Variants in LTN1 observed in about 807,000 individuals in gnomAD.
LTN1 encodes E3 ubiquitin-protein ligase listerin.
LTN1 carries 88 observed loss-of-function variants against 201.2 expected under a neutral mutation model. The observed-to-expected ratio is 0.44, with a 90% CI of 0.37 to 0.52. The LOEUF (loss-of-function observed/expected upper bound fraction) is 0.52. Ranked by LOEUF, LTN1 falls within the 20% of genes least tolerant of loss-of-function variation. The pLI is 0.00. For missense variants in LTN1, 1,752 were observed against 2,038.7 expected (o/e 0.86, Z 2.71); for synonymous variants, 645 against 713.5 (o/e 0.90, Z 1.53).
At chr21:28,931,096 TGTG>T in intron 29 of LTN1, 56 bp downstream of exon 29, 2 of 956,078 alleles carry the variant, frequency 2.1e-6, no homozygotes, top group Non-Finnish European at 3.3e-6. Flanking sequence ...TGTGTGTGTG[TGTG>T]TTTATGTGTA....
intron 16 of LTN1, among the ~76,000 whole-genome samples, chr21:28,955,209 T>G (rs1338161197): frequency 1.3e-5 from 2 of 152,094 alleles, no homozygotes; most frequent in Admixed American, 6.5e-5. Flanking sequence ...TGGCACTGCT[T>G]GTAATCGCAG....
intron 18 of LTN1, among the ~76,000 whole-genome samples, chr21:28,950,378 A>G (rs2084372622): frequency 6.6e-6 from 1 of 152,224 alleles, no homozygotes; most frequent in South Asian, 2.1e-4. Flanking sequence ...GTAAATATAC[A>G]TCCATCTCCT....
In LTN1 at chr21:28,947,482, C is replaced by T; in HGVS notation, c.3469G>A (p.Asp1157Asn). 6.5e-7 allele frequency: 1 copy of T among 1,533,136 alleles called. No individual in the cohort carries two copies. The highest frequency in any genetic ancestry group is 8.7e-7 in the Non-Finnish European group (1 of 1,146,586). 95.0% of individuals were successfully genotyped at this position (1,533,136 alleles called of 1,614,324 possible). ...AACTAACCATTAGTGCTGCAAAGAT[C>T]TTTCTTAGTCCAGCCCAAAAGAGCA... ...IPALLGWTKKDLCSTNGGFGH... is the reference protein window; with the variant it reads ...IPALLGWTKKNLCSTNGGFGH... The change falls in exon 19 of 30, where the codon GAT (aspartate) becomes AAT (asparagine). Residue 1157 changes from aspartate to asparagine, a missense_variant. This residue lies in a region of LTN1 where 1,211 missense variants were observed against 1,312.8 expected (regional missense o/e 0.92). Transcript: ENST00000361371.
chr21:28,933,775 C>G (rs1297369693), intron 27 of LTN1, among the ~76,000 whole-genome samples: 3 of 151,050 alleles, frequency 2.0e-5, no homozygotes, highest in South Asian at 4.2e-4. Flanking sequence ...CTCCCGGGTT[C>G]AAAAAATTCT....
At chr21:28,943,218 G>T in intron 24 of LTN1, 44 bp downstream of exon 24, 1 of 1,192,276 alleles carries the variant, frequency 8.4e-7, no homozygotes, top group Non-Finnish European at 1.2e-6. Flanking sequence ...AAGTGAGATG[G>T]ATTATAAGAA....
chr21:28,992,152 C>A (rs1463454436), intron 1 of LTN1, among the ~76,000 whole-genome samples: 1 of 152,106 alleles, frequency 6.6e-6, no homozygotes, highest in Non-Finnish European at 1.5e-5. Flanking sequence ...ACTGAGGTGT[C>A]GAGAGCAAAG....
intron 19 of LTN1, among the ~76,000 whole-genome samples, chr21:28,947,263 G>C (rs1035719151): frequency 1.3e-5 from 2 of 152,136 alleles, no homozygotes; most frequent in African/African-American, 2.4e-5. Context: ...ATTTCTGGGC[G>C]TAAGTCTTCC....
chr21:28,948,151 C>A (rs2084354660), intron 18 of LTN1, among the ~76,000 whole-genome samples: 1 of 116,106 alleles, frequency 8.6e-6, no homozygotes, highest in African/African-American at 3.3e-5. Flanking sequence ...GAGATTGGGC[C>A]CCTGCACTCC....
chr21:28,950,246 TAA>T (rs1274211004), intron 18 of LTN1, among the ~76,000 whole-genome samples: 2 of 152,116 alleles, frequency 1.3e-5, no homozygotes, highest in African/African-American at 4.8e-5. Context: ...AATTTTTTGT[TAA>T]GTTTATTTCT....
chr21:28,975,064 T>G (rs2084604475), intron 6 of LTN1, among the ~76,000 whole-genome samples: 1 of 152,112 alleles, frequency 6.6e-6, no homozygotes, highest in South Asian at 2.1e-4. Context: ...GTATACAATC[T>G]TAAATTAGTC....
intron 16 of LTN1, among the ~76,000 whole-genome samples, chr21:28,956,467 T>C (rs1189161233): frequency 6.6e-6 from 1 of 152,206 alleles, no homozygotes; most frequent in African/African-American, 2.4e-5. Context: ...TCACCCATTT[T>C]CTTTAGGGTA....
At chr21:28,960,966 A>C in intron 11 of LTN1, 1 of 306,178 alleles carries the variant, frequency 3.3e-6, no homozygotes, top group East Asian at 6.2e-5. Flanking sequence ...TTAACTTAAA[A>C]TCCCATCCAT....
chr21:28,960,908 C>T (rs2084472834), intron 11 of LTN1: 1 of 394,566 alleles, frequency 2.5e-6, no homozygotes, highest in Non-Finnish European at 4.5e-6. Context: ...CCACGCTTTG[C>T]TGTTACCTTC....
At chr21:28,971,833 A>G (rs1351819926) in intron 6 of LTN1, among the ~76,000 whole-genome samples, 1 of 152,174 alleles carries the variant, frequency 6.6e-6, no homozygotes, top group Non-Finnish European at 1.5e-5. Context: ...TCTATAATAC[A>G]ATGCTTATTA....
chr21:28,969,207 A>T (rs1040855723), intron 9 of LTN1, among the ~76,000 whole-genome samples: 2 of 149,624 alleles, frequency 1.3e-5, no homozygotes, highest in African/African-American at 4.8e-5. Context: ...GGCAACAAAG[A>T]GCGAAACTTT....
At chr21:28,988,158 AAC>A (rs869176098) in intron 1 of LTN1, among the ~76,000 whole-genome samples, 11 of 99,958 alleles carry the variant, frequency 1.1e-4, no homozygotes, top group East Asian at 7.0e-4. Flanking sequence ...AAAAAAAAAC[AAC>A]AAAAAAAAAC....
In LTN1 at chr21:28,966,731, T is replaced by C; in HGVS notation, c.1760A>G (p.Lys587Arg). 6.2e-7 allele frequency: 1 copy of C among 1,614,134 alleles called. No individual in the cohort carries two copies. The highest frequency in any genetic ancestry group is 1.1e-5 in the South Asian group (1 of 91,072). The change falls in exon 10 of 30, where the codon AAA becomes AGA. Residue 587 changes from lysine to arginine, a missense_variant. Lys to Arg is a conservative substitution (Grantham distance 26). Coordinates refer to ENST00000361371, the MANE Select transcript of LTN1 (RefSeq NM_015565.3). ...NSSGLLSPLR[K>R]KPLEDLVCKL... Reference sequence around the variant, plus strand: ...ACAGACTAAGTCTTCCAAAGGTTTTTTCCTTAGAGGAGACAAAAGGCCTGA... The same window carrying C: ...ACAGACTAAGTCTTCCAAAGGTTTTCTCCTTAGAGGAGACAAAAGGCCTGA...
intron 3 of LTN1, 39 bp from the exon 4 acceptor site, chr21:28,984,961 C>A (rs762698395): frequency 2.7e-6 from 4 of 1,459,488 alleles, no homozygotes; most frequent in Non-Finnish European, 3.8e-6. Flanking sequence ...TAGCTCTAGC[C>A]CATAAAAACA....
In LTN1 at chr21:28,944,425, C is replaced by A; in HGVS notation, c.3940G>T (p.Gly1314Cys). 1 of 1,613,904 alleles carries A rather than the reference C, an allele frequency of 6.2e-7. No homozygotes were observed. The highest frequency in any genetic ancestry group is 1.1e-5 in the South Asian group (1 of 91,072). ...ISEWKEFFSQ[G>C]IHSLLLPILV... is the part of the protein sequence containing the mutation. ...ATAGGTAAAAGCAAACTGTGGATGC[C>A]TTGGGAAAAAAATTCTTTCCATTCA... Residue 1314 changes from glycine (G) to cysteine (C), a missense_variant, in exon 22 of 30, where the codon GGC (glycine) becomes TGC (cysteine). By Grantham distance (159) the Gly-to-Cys change is radical. This residue lies in a region of LTN1 where 1,211 missense variants were observed against 1,312.8 expected (regional missense o/e 0.92). Transcript: ENST00000361371.
Sources: allele counts gnomAD v4.1 joint callset (sites outside exome capture counted in the v4.1 genomes callset), GRCh38; gene constraint gnomAD v4.1.1; regional missense constraint gnomAD v4.1.1; transcripts MANE v1.5; gene names NCBI Gene and HGNC (gene_info 2026-07-23, HGNC 2026-07-21).